The following CC2D1A variants were observed in gnomAD, a reference collection of about 807,000 sequenced individuals.
The protein encoded by CC2D1A is coiled-coil and C2 domain-containing protein 1A.
In CC2D1A, 68 loss-of-function variants were observed where a neutral mutation model predicts 123.8. The observed-to-expected ratio is 0.55, with a 90% CI of 0.45 to 0.67. The LOEUF (loss-of-function observed/expected upper bound fraction) is 0.67, where lower values mean the gene tolerates loss of function less well. CC2D1A is among the 30% of genes least tolerant of loss of function. The pLI is 0.00. For missense variants in CC2D1A, 1,185 were observed against 1,290.3 expected (o/e 0.92, Z 1.25); for synonymous variants, 477 against 528.0 (o/e 0.90, Z 1.32).
chr19:13,917,324 C>T (rs1971242022), intron 6 of CC2D1A, among the ~76,000 whole-genome samples: 1 of 151,994 alleles, frequency 6.6e-6, no homozygotes, highest in African/African-American at 2.4e-5. Context: ...AATAAAAAAC[C>T]AGCCGGGCAT....
rs772572316 is a variant in CC2D1A, at chr19:13,923,686, C to T, written c.1824-9C>T. On this transcript the variant is annotated splice_polypyrimidine_tract_variant and intron_variant, in intron 16 of 28. Transcript: ENST00000318003. The surrounding 1 kb of genome is among the most constrained non-coding windows in gnomAD (Gnocchi z 5.3). ...GCCAGGGACATGAGCAGGGCCCTCC[C>T]ACCGGCAGGTTTGAAAAGTTGGCGG... 6.2e-7 allele frequency: 1 copy of T among 1,613,682 alleles called. No homozygotes were observed. Among genetic ancestry groups the T allele is most frequent in the Non-Finnish European group, 8.5e-7 (1 of 1,179,528 alleles).
intron 14 of CC2D1A, among the ~76,000 whole-genome samples, chr19:13,922,962 G>A (rs1052612620): frequency 6.6e-6 from 1 of 152,188 alleles, no homozygotes; most frequent in Admixed American, 6.5e-5. Context: ...GGAGGCCAAG[G>A]CCAGCGGATC....
chr19:13,916,620 A>G (rs80113620), intron 6 of CC2D1A, among the ~76,000 whole-genome samples: 149 of 152,312 alleles, frequency 9.8e-4, no homozygotes, highest in African/African-American at 3.4e-3. Flanking sequence ...ATTACATGCT[A>G]GTAATAATTA....
chr19:13,919,912 T>C lies in CC2D1A; in HGVS notation c.1317T>C (p.Asp439=), dbSNP rs1217093125. ...LETAMKLANQ[D]EGPEDEEDEV... ...CTGCCATGAAGCTGGCCAACCAGGA[T>C]GAAGGCCCAGAGGATGAAGAGGATG... Residue 439 remains aspartate (D), a synonymous_variant, in exon 12 of 29, where the codon GAT becomes GAC. Transcript: ENST00000318003. The C allele has an allele frequency of 6.2e-6, 10 of 1,612,906 alleles. No homozygotes were observed. The highest frequency in any genetic ancestry group is 7.6e-6 in the Non-Finnish European group (9 of 1,179,748).
Position 13,923,683 on chromosome 19 carries a change from T to G in CC2D1A, c.1824-12T>G. 1 of 1,613,608 alleles carries G rather than the reference T, an allele frequency of 6.2e-7. No homozygotes were observed. The highest frequency in any genetic ancestry group is 1.1e-5 in the South Asian group (1 of 91,060). On this transcript the variant is annotated splice_polypyrimidine_tract_variant and intron_variant, in intron 16 of 28. Transcript: ENST00000318003. This position sits in a 1 kb window ranked among gnomAD's most constrained non-coding sequence, Gnocchi z 5.3. ...AGGGCCAGGGACATGAGCAGGGCCC[T>G]CCCACCGGCAGGTTTGAAAAGTTGG...
chr19:13,913,547 G>C lies in CC2D1A; in HGVS notation c.657G>C (p.Ala219=), dbSNP rs367628101. ...PAPTQPAPRI[A]SAPEPRVTLE... is the part of the protein sequence containing the mutation. ...CCACCCAGCCGGCCCCTAGAATCGC[G>C]TCAGCCCCAGAGCCCAGGGTCACCC... The change falls in exon 6 of 29, where the codon GCG becomes GCC. Residue 219 remains alanine (A), a synonymous_variant. Coordinates refer to ENST00000318003, the MANE Select transcript of CC2D1A (RefSeq NM_017721.5). 6.2e-7 allele frequency: 1 copy of C among 1,613,988 alleles called. No individual in the cohort carries two copies. Among genetic ancestry groups the C allele is most frequent in the Non-Finnish European group, 8.5e-7 (1 of 1,180,038 alleles).
At chr19:13,921,954 A>G (rs1282639086) in intron 14 of CC2D1A, among the ~76,000 whole-genome samples, 1 of 152,134 alleles carries the variant, frequency 6.6e-6, no homozygotes, top group Non-Finnish European at 1.5e-5. Flanking sequence ...TGAAGACTGC[A>G]CCATCTGCCC....
intron 2 of CC2D1A, 116 bp downstream of exon 2, chr19:13,910,074 C>T (rs1333765364): frequency 5.8e-6 from 6 of 1,031,468 alleles, no homozygotes; most frequent in Non-Finnish European, 7.9e-6. Flanking sequence ...CCCTGTTCTC[C>T]TGGAGCCAAT....
Position 13,930,332 on chromosome 19 carries a change from T to C in CC2D1A, c.2835+43T>C, listed in dbSNP as rs773358160. The C allele has an allele frequency of 8.1e-6, 13 of 1,613,564 alleles. No individual in the cohort carries two copies. In the East Asian group the frequency reaches 2.9e-4, roughly 36 times the overall value. ...TGGGGTGGTTGGGGGATCACTGTGG[T>C]CGTAGCCCACCTCCATGACCCCAGT... is the stretch of plus-strand genomic sequence containing the variant. On this transcript the variant is annotated intron_variant, in intron 28 of 28. Coordinates refer to ENST00000318003, the MANE Select transcript of CC2D1A (RefSeq NM_017721.5). The surrounding 1 kb of genome is among the most constrained non-coding windows in gnomAD (Gnocchi z 6.8).
chr19:13,909,567 A>G lies in CC2D1A; in HGVS notation c.61-256A>G, dbSNP rs559908563. ...CTTTTCCCACTGAACTTGGCCCAGC[A>G]GCACATCATAAGTGTGGATTCAGAT... On this transcript the variant is annotated intron_variant, in intron 1 of 28. Coordinates refer to ENST00000318003, the MANE Select transcript of CC2D1A (RefSeq NM_017721.5). The G allele has an allele frequency of 5.8e-6, 3 of 520,900 alleles. No individual in the cohort carries two copies. In the East Asian group the frequency reaches 1.2e-4, roughly 21 times the overall value. The allele number at this position is 520,900 out of a possible 1,614,324, so 32.3% of individuals were successfully genotyped here. A position where few individuals can be genotyped will look rare whatever the true frequency, so the allele number is the denominator to read the frequency against.
chr19:13,918,489 T>C lies in CC2D1A; in HGVS notation c.874-15T>C. The C allele has an allele frequency of 1.2e-6, 2 of 1,612,330 alleles. No individual in the cohort carries two copies. Among genetic ancestry groups the C allele is most frequent in the Non-Finnish European group, 1.7e-6 (2 of 1,179,048 alleles). On this transcript the variant is annotated splice_polypyrimidine_tract_variant and intron_variant, in intron 7 of 28. Transcript: ENST00000318003. Reference sequence around the variant, plus strand: ...AACTGCACCTCTTCTTCTAATCTCCTCTTCCTTCTCCCAGAGCTTTGATGC... The same window carrying C: ...AACTGCACCTCTTCTTCTAATCTCCCCTTCCTTCTCCCAGAGCTTTGATGC...
chr19:13,927,169 A>G lies in CC2D1A; in HGVS notation c.2226-6A>G, dbSNP rs1971673131. 6.2e-7 allele frequency: 1 copy of G among 1,613,908 alleles called. No homozygotes were observed. The highest frequency in any genetic ancestry group is 1.3e-5 in the African/African-American group (1 of 75,036). ...TCCTGTCCCCACTATACACACATGC[A>G]CACAGGGGGCTGTTCAAGACTGACC... On this transcript the variant is annotated splice_region_variant and splice_polypyrimidine_tract_variant and intron_variant, in intron 21 of 28. Transcript: ENST00000318003.
Position 13,930,216 on chromosome 19 carries a change from A to G in CC2D1A, c.2788-26A>G, listed in dbSNP as rs1295287559. The G allele has an allele frequency of 3.7e-6, 6 of 1,613,646 alleles. No individual in the cohort carries two copies. In the Admixed American group the frequency reaches 5.0e-5, roughly 13 times the overall value. ...GGGCAGGGTGGGGCCTGCAGGGACT[A>G]CCTGCTGAATGCCCATCCCCCACAG... is the stretch of plus-strand genomic sequence containing the variant. On this transcript the variant is annotated intron_variant, in intron 27 of 28. Coordinates refer to ENST00000318003, the MANE Select transcript of CC2D1A (RefSeq NM_017721.5). The surrounding 1 kb of genome is among the most constrained non-coding windows in gnomAD (Gnocchi z 6.8).
At position 13,930,866 on chromosome 19, in the gene CC2D1A, C is replaced by A; in HGVS notation, c.*471C>A. The A allele has an allele frequency of 5.6e-6, 1 of 179,484 alleles. No individual in the cohort carries two copies. Among genetic ancestry groups the A allele is most frequent in the South Asian group, 1.5e-4 (1 of 6,564 alleles). The allele number at this position is 179,484 out of a possible 1,614,324, so 11.1% of individuals were successfully genotyped here. On this transcript the variant is annotated 3_prime_UTR_variant, in exon 29 of 29. Coordinates refer to ENST00000318003, the MANE Select transcript of CC2D1A (RefSeq NM_017721.5). The surrounding 1 kb of genome is among the most constrained non-coding windows in gnomAD (Gnocchi z 6.8). ...GGGCCAGCACATGGAATAAAATAGC[C>A]AGGGCCACACTCAGCCCAGCTCTGT...
chr19:13,908,218 C>G (rs28417831), intron 1 of CC2D1A, among the ~76,000 whole-genome samples: 11 of 152,142 alleles, frequency 7.2e-5, no homozygotes, highest in African/African-American at 2.4e-4. Context: ...GTTGGTCAGG[C>G]TGGTCTGTCT....
rs760296570 is a variant in CC2D1A, at chr19:13,923,491, G to A, written c.1764+36G>A. The A allele has an allele frequency of 1.2e-5, 19 of 1,613,860 alleles. No homozygotes were observed. In the African/African-American group the frequency reaches 1.6e-4, roughly 14 times the overall value. On this transcript the variant is annotated intron_variant, in intron 15 of 28. Coordinates refer to ENST00000318003, the MANE Select transcript of CC2D1A (RefSeq NM_017721.5). This position sits in a 1 kb window ranked among gnomAD's most constrained non-coding sequence, Gnocchi z 5.3. ...GGCCCCCAGCCCATCCCCCAGGAGCGTGACCCTCCTTCCCCTCTCTTCCCT... is the reference window on the plus strand; with the variant it reads ...GGCCCCCAGCCCATCCCCCAGGAGCATGACCCTCCTTCCCCTCTCTTCCCT...
At chr19:13,918,715 C>A in intron 8 of CC2D1A, 31 bp from the exon 9 acceptor site, 1 of 1,599,430 alleles carries the variant, frequency 6.3e-7, no homozygotes, top group South Asian at 1.1e-5. Flanking sequence ...GCTAACAAGC[C>A]CCTCATTGGC....
intron 17 of CC2D1A, among the ~76,000 whole-genome samples, chr19:13,925,996 G>GTGTATATATATATATATACGTATATATA (rs1971602878): frequency 9.4e-6 from 1 of 106,100 alleles, no homozygotes; most frequent in Non-Finnish European, 1.7e-5. Flanking sequence ...ATACATATAT[G>GTGTATATATATATATATACGTATATATA]TGTGTATATA....
chr19:13,924,372 G>C (rs527943416), intron 17 of CC2D1A, among the ~76,000 whole-genome samples: 64 of 151,448 alleles, frequency 4.2e-4, no homozygotes, highest in South Asian at 8.3e-4. Context: ...GGATTTCACC[G>C]TGTTAGCCAG....
Sources: allele counts gnomAD v4.1 joint callset (sites outside exome capture counted in the v4.1 genomes callset), GRCh38; gene constraint gnomAD v4.1.1; non-coding constraint Gnocchi (gnomAD v3.1); transcripts MANE v1.5; gene names NCBI Gene and HGNC (gene_info 2026-07-23, HGNC 2026-07-21).